SREBF1: variants seen among roughly 807,000 people sequenced by gnomAD.
SREBF1 encodes sterol regulatory element-binding protein 1.
In SREBF1, 45 loss-of-function variants were observed where a neutral mutation model predicts 100.1. The ratio of observed to expected loss-of-function variants is 0.45; its 90% CI spans 0.35 to 0.58. The LOEUF (loss-of-function observed/expected upper bound fraction) is 0.58. SREBF1 is among the 20% of genes least tolerant of loss of function. The pLI, the probability that SREBF1 is intolerant of heterozygous loss-of-function variation, is 0.00. For missense variants in SREBF1, 1,324 were observed against 1,539.4 expected, an observed-to-expected ratio of 0.86 and a Z score of 2.34; for synonymous variants, 657 against 681.8, an observed-to-expected ratio of 0.96 and a Z score of 0.57.
At chr17:17,828,287 A>G (rs1230927095) in intron 1 of SREBF1, among the ~76,000 whole-genome samples, 1 of 151,918 alleles carries the variant, frequency 6.6e-6, no homozygotes, top group East Asian at 1.9e-4. Flanking sequence ...CTCCATCAAA[A>G]CTTGCTCTGA....
chr17:17,834,176 TC>T (rs1356500921), intron 1 of SREBF1, among the ~76,000 whole-genome samples: 2 of 152,150 alleles, frequency 1.3e-5, no homozygotes, highest in Non-Finnish European at 2.9e-5. Context: ...CACTGCAGCC[TC>T]TAAGTCCAGG....
Position 17,836,958 on chromosome 17 carries a change from C to A in SREBF1, c.-141G>T. 1 of 699,538 alleles carries A rather than the reference C, an allele frequency of 1.4e-6. No individual in the cohort carries two copies. The highest frequency in any genetic ancestry group is 1.9e-5 in the African/African-American group (1 of 52,422). 43.3% of individuals were successfully genotyped at this position (699,538 alleles called of 1,614,324 possible). A position where few individuals can be genotyped will look rare whatever the true frequency, so the allele number is the denominator to read the frequency against. ...TCCTGCCCTGGCCTCAGAGGCGGCC[C>A]GGCGCCGGCGAAAAGTTCCTCGGAA... is the stretch of plus-strand genomic sequence containing the variant. On this transcript the variant is annotated 5_prime_UTR_variant, in exon 1 of 19. Coordinates refer to ENST00000261646, the MANE Select transcript of SREBF1 (RefSeq NM_004176.5).
At chr17:17,831,775 T>C (rs1040803245) in intron 1 of SREBF1, among the ~76,000 whole-genome samples, 1 of 152,174 alleles carries the variant, frequency 6.6e-6, no homozygotes, top group Non-Finnish European at 1.5e-5. Context: ...TTGGTGCAGA[T>C]GCAGGACTCA....
At chr17:17,820,734 C>A in intron 1 of SREBF1, 1 of 620,176 alleles carries the variant, frequency 1.6e-6, no homozygotes, top group South Asian at 1.8e-5. Context: ...TAAAGCAATG[C>A]CTGCTGCTGC....
Position 17,820,347 on chromosome 17 carries a change from C to T in SREBF1, c.266G>A (p.Gly89Glu). ...CAGGGGTGAGGGCGCTGCCTGCGGCCCGCTCAGGAAGGCTTCAAGAGAGGA... is the reference window on the plus strand; with the variant it reads ...CAGGGGTGAGGGCGCTGCCTGCGGCTCGCTCAGGAAGGCTTCAAGAGAGGA... ...LSSSLEAFLS[G>E]PQAAPSPLSP... The change falls in exon 2 of 19, where the codon GGG becomes GAG. Residue 89 changes from glycine to glutamate, a missense_variant. Coordinates refer to ENST00000261646, the MANE Select transcript of SREBF1 (RefSeq NM_004176.5). 1.2e-6 allele frequency: 2 copies of T among 1,613,024 alleles called. No individual in the cohort carries two copies. The highest frequency in any genetic ancestry group is 1.3e-5 in the African/African-American group (1 of 74,982).
At position 17,814,938 on chromosome 17, in the gene SREBF1, G is replaced by C. The variant is rs1274296527; in HGVS notation, c.2499C>G (p.Phe833Leu). ...GCTGCAGGTACCCGAGGGCATCCGA[G>C]AATTCCCTGTGGAAGGAGAGAGCTG... ...SPGSADGDKE[F>L]SDALGYLQLL... The change falls in exon 14 of 19, where the codon TTC becomes TTG. Residue 833 changes from phenylalanine to leucine, a missense_variant. Phe to Leu is a conservative substitution (Grantham distance 22). Coordinates refer to ENST00000261646, the MANE Select transcript of SREBF1 (RefSeq NM_004176.5). The C allele has an allele frequency of 6.4e-7, 1 of 1,564,970 alleles. No homozygotes were observed. Among genetic ancestry groups the C allele is most frequent in the African/African-American group, 1.4e-5 (1 of 74,038 alleles).
rs562951727 is a variant in SREBF1 at position 17,816,633 on chromosome 17, G to A, written c.1871C>T (p.Ala624Val). 2.9e-5 allele frequency: 47 copies of A among 1,600,948 alleles called. No individual in the cohort carries two copies. In the East Asian group the frequency reaches 9.9e-4, roughly 34 times the overall value. Residue 624 changes from alanine to valine, a missense_variant, in exon 10 of 19, where the codon GCT becomes GTT. By Grantham distance (64) the Ala-to-Val change is moderately conservative. Transcript: ENST00000261646. ...RPLPTSHLDLACSLLWNLIRH... is the reference protein window; with the variant it reads ...RPLPTSHLDLVCSLLWNLIRH... ...GATGAGGTTCCAGAGGAGGCTACAA[G>A]CCAGGTCCAGGTGGGAGGTGGGCAG...
At position 17,820,198 on chromosome 17, in the gene SREBF1, G is replaced by A. The variant is rs201648502; in HGVS notation, c.415C>T (p.Pro139Ser). 49 of 1,613,410 alleles carry A rather than the reference G, an allele frequency of 3.0e-5. No homozygotes were observed. The highest frequency in any genetic ancestry group is 1.0e-4 in the Admixed American group (6 of 60,004). ...TGTGGCAGGAGGGCCCCTGGCAGGG[G>A]CTGTGGGGTGGGGGTCTGCAGGATG... ...LSILQTPTPQ[P>S]LPGALLPQSF... The change falls in exon 2 of 19, where the codon CCC becomes TCC. Residue 139 changes from proline to serine, a missense_variant. Pro to Ser is a moderately conservative substitution (Grantham distance 74, BLOSUM62 -1). Transcript: ENST00000261646.
chr17:17,829,205 A>AAAAAATATATATAT (rs1210718799), intron 1 of SREBF1, among the ~76,000 whole-genome samples: 1 of 65,844 alleles, frequency 1.5e-5, no homozygotes, highest in African/African-American at 8.8e-5. Flanking sequence ...AAAAAAAAAA[A>AAAAAATATATATAT]ATATATATAT....
intron 1 of SREBF1, among the ~76,000 whole-genome samples, chr17:17,832,382 C>T (rs1425626126): frequency 6.6e-6 from 1 of 152,196 alleles, no homozygotes; most frequent in African/African-American, 2.4e-5. Flanking sequence ...TGCCCCTGCT[C>T]TGACCCCCGA....
Position 17,824,117 on chromosome 17 carries a change from G to C in SREBF1, c.92-3596C>G, listed in dbSNP as rs960825670. Among the ~76,000 whole-genome samples the C allele has an allele frequency of 4.2e-4, 64 of 152,098 alleles. No individual in the cohort carries two copies. The highest frequency in any genetic ancestry group is 1.5e-3 in the African/African-American group (62 of 41,358). ...ACAGGACAGTCATTATCTCCCTGGC[G>C]TCGAATGGTAGAAGGGAGATAATAT... On this transcript the variant is annotated intron_variant, in intron 1 of 18. Transcript: ENST00000261646. This position sits in a 1 kb window ranked among gnomAD's most constrained non-coding sequence, Gnocchi z 4.2.
chr17:17,818,017 A>G, intron 6 of SREBF1, 101 bp from the exon 7 acceptor site: 4 of 1,279,630 alleles, frequency 3.1e-6, no homozygotes, highest in Non-Finnish European at 4.5e-6. Context: ...TAGCTCCTAA[A>G]GCTAGCCCAG....
At position 17,824,194 on chromosome 17, in the gene SREBF1, G is replaced by T. The variant is rs929697387; in HGVS notation, c.92-3673C>A. Among the ~76,000 whole-genome samples, 1 of 152,230 alleles carries T rather than the reference G, an allele frequency of 6.6e-6. No homozygotes were observed. Among genetic ancestry groups the T allele is most frequent in the Non-Finnish European group, 1.5e-5 (1 of 68,042 alleles). ...CGTTTAATTAAGGCCAAGGGCTGCC[G>T]AGTGGCAGCTGCGGTGGGTGCAGGG... On this transcript the variant is annotated intron_variant, in intron 1 of 18. Transcript: ENST00000261646. The surrounding 1 kb of genome is among the most constrained non-coding windows in gnomAD (Gnocchi z 4.2).
rs777982486 is a variant in SREBF1 at position 17,816,188 on chromosome 17, A to AACCCCCCCACCCCC, written c.2214+18_2214+19insGGGGGTGGGGGGGT. On this transcript the variant is annotated intron_variant, in intron 11 of 18. Transcript: ENST00000261646. ...GAGAGAGCTGCAGGGATAAGCCCCC[A>AACCCCCCCACCCCC]GCCCCCCAACCCACTCACTGTCAGA... is the stretch of plus-strand genomic sequence containing the variant. 6.3e-6 allele frequency: 5 copies of AACCCCCCCACCCCC among 789,190 alleles called. No homozygotes were observed. The highest frequency in any genetic ancestry group is 2.6e-5 in the South Asian group (1 of 38,808). 48.9% of individuals were successfully genotyped at this position (789,190 alleles called of 1,614,324 possible).
In SREBF1 at chr17:17,814,950, G is replaced by A. The variant is rs752440934; in HGVS notation, c.2493-6C>T. 6.4e-7 allele frequency: 1 copy of A among 1,560,006 alleles called. No individual in the cohort carries two copies. The highest frequency in any genetic ancestry group is 1.2e-5 in the South Asian group (1 of 84,990). On this transcript the variant is annotated splice_polypyrimidine_tract_variant and splice_region_variant and intron_variant, in intron 13 of 18. Coordinates refer to ENST00000261646, the MANE Select transcript of SREBF1 (RefSeq NM_004176.5). The stretch of plus-strand genomic sequence containing the variant: ...CGAGGGCATCCGAGAATTCCCTGTG[G>A]AAGGAGAGAGCTGGCTGTCGGAACA...
In SREBF1 at chr17:17,824,948, A is replaced by G. The variant is rs1182313906; in HGVS notation, c.92-4427T>C. Among the ~76,000 whole-genome samples the G allele has an allele frequency of 5.9e-5, 9 of 152,090 alleles. No individual in the cohort carries two copies. The East Asian group carries it at 1.7e-3, about 29-fold the overall frequency. On this transcript the variant is annotated intron_variant, in intron 1 of 18. Transcript: ENST00000261646. The surrounding 1 kb of genome is among the most constrained non-coding windows in gnomAD (Gnocchi z 4.2). ...CAGACGGCCTCTCTAGCATGGCCCA[A>G]CCCTCCCCTCAGCCCGCGGGTGTTC...
rs764938327 is a variant in SREBF1 at position 17,819,359 on chromosome 17, G to T, written c.807C>A (p.Pro269=). The change falls in exon 4 of 19, where the codon CCC becomes CCA. Residue 269 remains proline, a synonymous_variant. Transcript: ENST00000261646. The part of the protein sequence containing the change: ...GATVKAAGLS[P]LVSGTTVQTG... Reference sequence around the variant, plus strand: ...TCTGCACAGTGGTGCCAGAGACCAGGGGACTGAGACCTGCCGCCTTCACAG... The same window carrying T: ...TCTGCACAGTGGTGCCAGAGACCAGTGGACTGAGACCTGCCGCCTTCACAG... 6.2e-7 allele frequency: 1 copy of T among 1,613,836 alleles called. No individual in the cohort carries two copies. The highest frequency in any genetic ancestry group is 1.3e-5 in the African/African-American group (1 of 75,064).
chr17:17,812,035 C>A lies in SREBF1; in HGVS notation c.*587G>T. 2.3e-6 allele frequency: 1 copy of A among 436,728 alleles called. No individual in the cohort carries two copies. The highest frequency in any genetic ancestry group is 4.5e-6 in the Non-Finnish European group (1 of 221,660). The allele number at this position is 436,728 out of a possible 1,614,324, so 27.1% of individuals were successfully genotyped here. ...TGCTGGGGGAGGGCCCAAGCACTCT[C>A]ACTAGTCAGCACATCCATCAGCTGA... On this transcript the variant is annotated 3_prime_UTR_variant, in exon 19 of 19. Transcript: ENST00000261646.
At chr17:17,815,816 G>T (rs1261567331) in intron 12 of SREBF1, 44 bp downstream of exon 12, 1 of 1,580,956 alleles carries the variant, frequency 6.3e-7, no homozygotes, top group Non-Finnish European at 8.6e-7. Context: ...ACAGGAATGA[G>T]GATGAGGGAC....
Sources: gnomAD v4.1 joint callset for allele counts (sites outside exome capture counted in the v4.1 genomes callset) on GRCh38, gnomAD v4.1.1 for gene constraint, Gnocchi (gnomAD v3.1) non-coding constraint, MANE v1.5 for transcripts, NCBI Gene and HGNC (gene_info 2026-07-23, HGNC 2026-07-21) for gene names.